The following SMG7 variants were observed in gnomAD, a reference collection of about 807,000 sequenced individuals.
SMG7 encodes the protein nonsense-mediated mRNA decay factor SMG7.
A neutral mutation model predicts 148.2 loss-of-function variants in SMG7; 34 were observed. The ratio of observed to expected loss-of-function variants is 0.23; its 90% CI spans 0.17 to 0.31. SMG7 has a LOEUF of 0.31. Ranked by LOEUF, SMG7 falls within the 10% of genes least tolerant of loss-of-function variation. The pLI is 1.00. For synonymous variants in SMG7, 492 were observed against 515.1 expected (o/e 0.96, Z 0.61); for missense variants, 1,114 against 1,408.4 (o/e 0.79, Z 3.35).
At chr1:183,541,142 C>G in intron 13 of SMG7, 39 bp downstream of exon 13, 1 of 1,599,756 alleles carries the variant, frequency 6.3e-7, no homozygotes, top group Non-Finnish European at 8.5e-7. Flanking sequence ...TTTTAACCAC[C>G]TTTTTAGATA....
intron 2 of SMG7, 68 bp downstream of exon 2, chr1:183,512,936 TTCTTATATTATGCACAGCACTAAA>T (rs1407473413): frequency 7.1e-7 from 1 of 1,414,594 alleles, no homozygotes; most frequent in Non-Finnish European, 9.7e-7. Context: ...GATATCCTCT[TTCTTATATTATGCACAGCACTAAA>T]TCCCATCTTA....
At chr1:183,506,499 A>G (rs1660919543) in intron 1 of SMG7, among the ~76,000 whole-genome samples, 1 of 152,234 alleles carries the variant, frequency 6.6e-6, no homozygotes, top group African/African-American at 2.4e-5. Flanking sequence ...GTGCATGCTT[A>G]CTTTATGTCT....
At chr1:183,488,824 C>T (rs1656188718) in intron 1 of SMG7, among the ~76,000 whole-genome samples, 1 of 150,796 alleles carries the variant, frequency 6.6e-6, no homozygotes, top group African/African-American at 2.4e-5. Flanking sequence ...GCTGGGATTA[C>T]AGGCACCCAC....
At chr1:183,488,766 C>T (rs1428606401) in intron 1 of SMG7, among the ~76,000 whole-genome samples, 1 of 145,892 alleles carries the variant, frequency 6.9e-6, no homozygotes. Flanking sequence ...TCACTGCAAC[C>T]TCCACCTCCC....
At chr1:183,522,000 A>G (rs1038677107) in intron 4 of SMG7, among the ~76,000 whole-genome samples, 20 of 152,206 alleles carry the variant, frequency 1.3e-4, no homozygotes, top group African/African-American at 4.6e-4. Context: ...AGTTAACTCT[A>G]TTAATTCCTG....
At chr1:183,517,863 A>G in intron 4 of SMG7, 43 bp downstream of exon 4, 1 of 1,600,258 alleles carries the variant, frequency 6.2e-7, no homozygotes, top group Non-Finnish European at 8.6e-7. Context: ...TATTAGTGGT[A>G]AATATTCTGC....
intron 1 of SMG7, among the ~76,000 whole-genome samples, chr1:183,488,489 T>G (rs1198534531): frequency 6.6e-6 from 1 of 152,186 alleles, no homozygotes; most frequent in Non-Finnish European, 1.5e-5. Flanking sequence ...TGCTGTCCAG[T>G]GTGGTAGCCA....
chr1:183,545,467 A>C (rs1339698181), intron 16 of SMG7, among the ~76,000 whole-genome samples, 155 bp downstream of exon 16: 1 of 152,200 alleles, frequency 6.6e-6, no homozygotes, highest in African/African-American at 2.4e-5. Flanking sequence ...CTGTTTATGA[A>C]AGTTCAAATG....
chr1:183,506,424 ATT>A (rs1660900902), intron 1 of SMG7, among the ~76,000 whole-genome samples: 1 of 152,038 alleles, frequency 6.6e-6, no homozygotes, highest in African/African-American at 2.4e-5. Context: ...AATATGATTT[ATT>A]TTTCTCTGAT....
chr1:183,493,124 A>G (rs1270569381), intron 1 of SMG7, among the ~76,000 whole-genome samples: 1 of 150,666 alleles, frequency 6.6e-6, no homozygotes, highest in Non-Finnish European at 1.5e-5. Context: ...ATGCACTGCC[A>G]CTGTTCCTGG....
intron 1 of SMG7, among the ~76,000 whole-genome samples, chr1:183,480,558 A>G (rs910059309): frequency 1.3e-5 from 2 of 151,904 alleles, no homozygotes; most frequent in Non-Finnish European, 2.9e-5. Context: ...CTGTCCTTCT[A>G]TCCATTCCAC....
chr1:183,492,307 T>A (rs1357679795), intron 1 of SMG7, among the ~76,000 whole-genome samples: 1 of 152,244 alleles, frequency 6.6e-6, no homozygotes, highest in Admixed American at 6.5e-5. Flanking sequence ...ATTACTTTGA[T>A]ACCTTTGTCA....
Position 183,495,436 on chromosome 1 carries a change from A to G in SMG7, c.30-17401A>G, listed in dbSNP as rs1217885802. 2.0e-5 allele frequency among the ~76,000 whole-genome samples: 3 copies of G among 152,188 alleles called. No individual in the cohort carries two copies. In the East Asian group the frequency reaches 5.8e-4, roughly 29 times the overall value. ...ATTTTTGTTTTACATTATGTTGAGG[A>G]GGAAGAGAGAGTGAGGAAAACAACT... On this transcript the variant is annotated intron_variant, in intron 1 of 22. Coordinates refer to ENST00000688051, the MANE Select transcript of SMG7 (RefSeq NM_001375584.1).
chr1:183,547,319 C>A, intron 18 of SMG7, 67 bp downstream of exon 18: 1 of 1,363,128 alleles, frequency 7.3e-7, no homozygotes, highest in Non-Finnish European at 9.9e-7. Context: ...TACTGTAGTA[C>A]ACAGATTAGG....
chr1:183,534,640 C>T (rs1667423218), intron 10 of SMG7, among the ~76,000 whole-genome samples: 1 of 152,150 alleles, frequency 6.6e-6, no homozygotes, highest in Admixed American at 6.5e-5. Flanking sequence ...GCAGGCGGAT[C>T]ACTTGAGGTC....
rs750933386 is a variant in SMG7, at chr1:183,544,505, T to C, written c.1987+8T>C. 6.2e-7 allele frequency: 1 copy of C among 1,612,206 alleles called. No homozygotes were observed. The highest frequency in any genetic ancestry group is 1.1e-5 in the South Asian group (1 of 90,972). The stretch of plus-strand genomic sequence containing the variant: ...CTCTTCCCAGCAGGCCAGGTAAATA[T>C]GTTTTGTAATTTCTTCTACTTAATC... On this transcript the variant is annotated splice_region_variant and intron_variant, in intron 15 of 22. Coordinates refer to ENST00000688051, the MANE Select transcript of SMG7 (RefSeq NM_001375584.1).
intron 13 of SMG7, 91 bp from the exon 14 acceptor site, chr1:183,541,985 T>C: frequency 9.4e-7 from 1 of 1,058,208 alleles, no homozygotes; most frequent in Admixed American, 2.4e-5. Flanking sequence ...TTATTAGTGC[T>C]AGGAATATAT....
intron 4 of SMG7, among the ~76,000 whole-genome samples, chr1:183,520,392 A>G (rs1209841245): frequency 1.3e-5 from 2 of 152,164 alleles, no homozygotes; most frequent in Non-Finnish European, 2.9e-5. Flanking sequence ...ACTGCTTTCA[A>G]CTATGCTCTG....
intron 8 of SMG7, among the ~76,000 whole-genome samples, chr1:183,529,776 C>G (rs754587685): frequency 6.6e-6 from 1 of 151,988 alleles, no homozygotes; most frequent in Non-Finnish European, 1.5e-5. Context: ...CAAAAATTAT[C>G]AAAGTGGAAA....
Sources: allele counts gnomAD v4.1 joint callset (sites outside exome capture counted in the v4.1 genomes callset), GRCh38; gene constraint gnomAD v4.1.1; transcripts MANE v1.5; gene names NCBI Gene and HGNC (gene_info 2026-07-23, HGNC 2026-07-21).